SNRK: variants seen among roughly 807,000 people sequenced by gnomAD.
The protein encoded by SNRK is SNF related kinase, also known as SNF-related serine/threonine-protein kinase.
SNRK carries 3 observed loss-of-function variants against 48.2 expected under a neutral mutation model. The ratio of observed to expected loss-of-function variants is 0.06; its 90% CI spans 0.03 to 0.16. The LOEUF is 0.16. SNRK is among the 10% of genes least tolerant of loss of function. SNRK has a pLI of 1.00. For missense variants in SNRK, 627 were observed against 976.0 expected (o/e 0.64, Z 4.76); for synonymous variants, 376 against 366.1 (o/e 1.03, Z -0.31).
At position 43,343,339 on chromosome 3, in the gene SNRK, C is replaced by G. The variant is rs1399272786; in HGVS notation, c.945-5C>G. On this transcript the variant is annotated splice_region_variant and splice_polypyrimidine_tract_variant and intron_variant, in intron 5 of 6. Coordinates refer to ENST00000296088, the MANE Select transcript of SNRK (RefSeq NM_017719.5). ...TGACGTTTGCTCTCACCTTGTTTTC[C>G]TCAGAGCCCTGGAAACCAACAGGTA... 6.2e-7 allele frequency: 1 copy of G among 1,603,122 alleles called. No individual in the cohort carries two copies. The highest frequency in any genetic ancestry group is 2.2e-5 in the East Asian group (1 of 44,692).
At chr3:43,305,074 C>T (rs11715609) in intron 3 of SNRK, among the ~76,000 whole-genome samples, 31,164 of 152,008 alleles carry the variant, frequency 0.21, 3,707 homozygotes, top group Middle Eastern at 0.35. Flanking sequence ...AAATAAAGTA[C>T]TCTTTAAATC....
intron 1 of SNRK, among the ~76,000 whole-genome samples, chr3:43,296,819 A>G (rs1575531460): frequency 6.6e-6 from 1 of 152,338 alleles, no homozygotes; most frequent in Middle Eastern, 3.4e-3. Context: ...CTGGTTCTAC[A>G]ACTGTTTTCA....
Position 43,340,429 on chromosome 3 carries a change from G to T in SNRK, c.874G>T (p.Glu292Ter). ...CCTTGTGTCATACAAAAATCTCTCGGAAGAGGAGCACAACAGCATCATTCA... is the reference window on the plus strand; with the variant it reads ...CCTTGTGTCATACAAAAATCTCTCGTAAGAGGAGCACAACAGCATCATTCA... ...IPLVSYKNLS[E>*]EEHNSIIQRM... is the part of the protein sequence containing the mutation. The change falls in exon 5 of 7, where the codon GAA becomes TAA. Residue 292 changes from glutamate (E) to a stop codon, truncating the protein, a stop_gained. Coordinates refer to ENST00000296088, the MANE Select transcript of SNRK (RefSeq NM_017719.5). LOFTEE classifies it high-confidence loss of function. 1 of 1,614,172 alleles carries T rather than the reference G, an allele frequency of 6.2e-7. No homozygotes were observed. Among genetic ancestry groups the T allele is most frequent in the Non-Finnish European group, 8.5e-7 (1 of 1,180,034 alleles).
intron 3 of SNRK, among the ~76,000 whole-genome samples, chr3:43,320,914 A>G (rs1032161832): frequency 4.3e-5 from 6 of 140,980 alleles, no homozygotes; most frequent in Admixed American, 7.8e-5. Flanking sequence ...AACTTTACAA[A>G]CATGATTTTT....
intron 3 of SNRK, among the ~76,000 whole-genome samples, chr3:43,305,758 T>G (rs983792885): frequency 6.6e-6 from 1 of 152,192 alleles, no homozygotes; most frequent in Non-Finnish European, 1.5e-5. Flanking sequence ...GTGCTGGGAT[T>G]ACAGGCATGA....
intron 1 of SNRK, among the ~76,000 whole-genome samples, chr3:43,294,209 A>G (rs533860183): frequency 1.3e-5 from 2 of 152,340 alleles, no homozygotes; most frequent in South Asian, 4.1e-4. Context: ...TTTATAGTCA[A>G]GGATATTAAT....
chr3:43,292,550 C>T (rs2090820797), intron 1 of SNRK, among the ~76,000 whole-genome samples: 1 of 152,196 alleles, frequency 6.6e-6, no homozygotes, highest in Admixed American at 6.5e-5. Context: ...TCTTCAGAAT[C>T]AGCTGTAGGT....
chr3:43,307,812 A>C (rs2090950255), intron 3 of SNRK, among the ~76,000 whole-genome samples: 1 of 152,194 alleles, frequency 6.6e-6, no homozygotes, highest in Admixed American at 6.5e-5. Flanking sequence ...AGAGTGGTAC[A>C]TCTCTCACTT....
chr3:43,310,769 A>G (rs568955791), intron 3 of SNRK, among the ~76,000 whole-genome samples: 1 of 152,278 alleles, frequency 6.6e-6, no homozygotes, highest in Non-Finnish European at 1.5e-5. Flanking sequence ...CTGATGCAAG[A>G]CTAATTTTCT....
Position 43,349,056 on chromosome 3 carries a change from C to G in SNRK, c.*499C>G, listed in dbSNP as rs1044005484. 6.5e-6 allele frequency: 1 copy of G among 153,402 alleles called. No homozygotes were observed. Among genetic ancestry groups the G allele is most frequent in the African/African-American group, 2.4e-5 (1 of 41,464 alleles). 9.5% of individuals were successfully genotyped at this position (153,402 alleles called of 1,614,324 possible). On this transcript the variant is annotated 3_prime_UTR_variant, in exon 7 of 7. Transcript: ENST00000296088. ...TAGCGACCTTGTGCCGCCCAGCTGT[C>G]CATGGCCCGTGCAGAGCAGAGGACA...
chr3:43,296,542 G>A (rs2125615246), intron 1 of SNRK, among the ~76,000 whole-genome samples: 1 of 151,668 alleles, frequency 6.6e-6, no homozygotes, highest in Admixed American at 6.6e-5. Context: ...ATAAGCTATA[G>A]AAGTAGTACA....
At chr3:43,309,838 T>TA (rs1316209578) in intron 3 of SNRK, among the ~76,000 whole-genome samples, 1 of 152,056 alleles carries the variant, frequency 6.6e-6, no homozygotes, top group Non-Finnish European at 1.5e-5. Context: ...CTGGTCTTGA[T>TA]AAAGTTTTTT....
At chr3:43,308,019 A>G (rs2090951822) in intron 3 of SNRK, among the ~76,000 whole-genome samples, 1 of 152,248 alleles carries the variant, frequency 6.6e-6, no homozygotes, top group African/African-American at 2.4e-5. Flanking sequence ...ATATGAAGAA[A>G]GTTTTAGTGG....
intron 3 of SNRK, among the ~76,000 whole-genome samples, chr3:43,321,339 T>C (rs2091052045): frequency 6.6e-6 from 1 of 152,186 alleles, no homozygotes; most frequent in Admixed American, 6.5e-5. Context: ...ATAAACAATC[T>C]TCAGAATCCT....
intron 4 of SNRK, among the ~76,000 whole-genome samples, chr3:43,337,072 C>CT (rs1209296156): frequency 1.1e-4 from 17 of 149,684 alleles, no homozygotes; most frequent in East Asian, 4.0e-4. Context: ...GTTTTTATAC[C>CT]TTTTTTTTCT....
At chr3:43,295,841 C>T (rs1335880283) in intron 1 of SNRK, among the ~76,000 whole-genome samples, 2 of 152,140 alleles carry the variant, frequency 1.3e-5, no homozygotes, top group African/African-American at 4.8e-5. Flanking sequence ...TGTGGTCAAG[C>T]GATTCTCCTG....
chr3:43,328,002 C>CT (rs977880789), intron 3 of SNRK, among the ~76,000 whole-genome samples: 30 of 150,480 alleles, frequency 2.0e-4, no homozygotes, highest in Admixed American at 1.3e-4. Context: ...TAAATATTTC[C>CT]TTTTTTTCAT....
intron 3 of SNRK, among the ~76,000 whole-genome samples, chr3:43,323,414 C>T (rs1027813722): frequency 2.4e-4 from 37 of 152,356 alleles, no homozygotes; most frequent in African/African-American, 8.7e-4. Flanking sequence ...GTTAAAACCA[C>T]ACCTATTAGA....
At chr3:43,323,361 C>A (rs1305356638) in intron 3 of SNRK, among the ~76,000 whole-genome samples, 1 of 152,122 alleles carries the variant, frequency 6.6e-6, no homozygotes, top group Non-Finnish European at 1.5e-5. Flanking sequence ...GGCATATAAG[C>A]ACATGCAGAT....
Sources: allele counts gnomAD v4.1 joint callset (sites outside exome capture counted in the v4.1 genomes callset), GRCh38; gene constraint gnomAD v4.1.1; transcripts MANE v1.5; gene names NCBI Gene and HGNC (gene_info 2026-07-23, HGNC 2026-07-21).